The following PPP1R37 variants were observed in gnomAD, a reference collection of about 807,000 sequenced individuals.
PPP1R37 encodes the protein leucine rich repeat containing 68.
A neutral mutation model predicts 61.0 loss-of-function variants in PPP1R37; 21 were observed. The ratio of observed to expected loss-of-function variants is 0.34; its 90% CI spans 0.24 to 0.50. PPP1R37 has a LOEUF of 0.50. Among genes scored for constraint, PPP1R37 ranks in the 20% least tolerant of loss-of-function variants. PPP1R37 has a pLI of 0.98. For synonymous variants in PPP1R37, 443 were observed against 433.5 expected, an observed-to-expected ratio of 1.02 and a Z score of -0.27; for missense variants, 910 against 952.7, an observed-to-expected ratio of 0.96 and a Z score of 0.59.
Position 45,130,428 on chromosome 19 carries a change from G to A in PPP1R37, c.203-8086G>A, listed in dbSNP as rs754366. ...ACATCATCCCCAGTGCTCCCCTCCC[G>A]GTGTGCTTTGGCGCCGAGCCTGCTC... On this transcript the variant is annotated intron_variant, in intron 1 of 12. Coordinates refer to ENST00000221462, the MANE Select transcript of PPP1R37 (RefSeq NM_019121.2). This position sits in a 1 kb window ranked among gnomAD's most constrained non-coding sequence, Gnocchi z 4.4. 0.1 allele frequency among the ~76,000 whole-genome samples: 15,580 copies of A among 152,048 alleles called. 946 individuals carry two copies. Among genetic ancestry groups the A allele is most frequent in the East Asian group, 0.15 (800 of 5,162 alleles).
At position 45,093,233 on chromosome 19, in the gene PPP1R37, A is replaced by G. The variant is rs1237837677; in HGVS notation, c.-93A>G. 1.9e-6 allele frequency: 2 copies of G among 1,027,630 alleles called. No homozygotes were observed. The highest frequency in any genetic ancestry group is 2.6e-6 in the Non-Finnish European group (2 of 777,734). 63.7% of individuals were successfully genotyped at this position (1,027,630 alleles called of 1,614,324 possible). A position where few individuals can be genotyped will look rare whatever the true frequency, so the allele number is the denominator to read the frequency against. Reference sequence around the variant, plus strand: ...GAGGCGGCGCCTGAAGCGGCGGCGGAGCCCATGCCCCGGGACGGCGGGCGG... The same window carrying G: ...GAGGCGGCGCCTGAAGCGGCGGCGGGGCCCATGCCCCGGGACGGCGGGCGG... On this transcript the variant is annotated 5_prime_UTR_variant, in exon 1 of 13. Coordinates refer to ENST00000221462, the MANE Select transcript of PPP1R37 (RefSeq NM_019121.2).
chr19:45,142,550 C>A (rs1968628325), intron 7 of PPP1R37, 92 bp downstream of exon 7: 7 of 1,288,662 alleles, frequency 5.4e-6, no homozygotes, highest in Non-Finnish European at 6.4e-6. Flanking sequence ...ACAGACATGG[C>A]CAAGACCACC....
chr19:45,119,372 C>T (rs1019717596), intron 1 of PPP1R37, among the ~76,000 whole-genome samples: 5 of 152,162 alleles, frequency 3.3e-5, no homozygotes, highest in Non-Finnish European at 7.4e-5. Flanking sequence ...CGACTGGTGT[C>T]GAACTCCTGA....
intron 1 of PPP1R37, among the ~76,000 whole-genome samples, chr19:45,125,804 A>G (rs530806339): frequency 6.6e-6 from 1 of 152,314 alleles, no homozygotes; most frequent in East Asian, 1.9e-4. Flanking sequence ...TTGGGTGACC[A>G]AGGCTGGTCC....
intron 1 of PPP1R37, among the ~76,000 whole-genome samples, chr19:45,114,750 C>T (rs985922642): frequency 6.7e-6 from 1 of 148,172 alleles, no homozygotes; most frequent in Non-Finnish European, 1.5e-5. Context: ...AGTTCAAGAC[C>T]ACCCTGGGCA....
intron 1 of PPP1R37, among the ~76,000 whole-genome samples, chr19:45,132,460 T>G (rs1968490197): frequency 6.6e-6 from 1 of 151,974 alleles, no homozygotes; most frequent in Admixed American, 6.6e-5. Flanking sequence ...CATGTGCTAA[T>G]TTTTGTATTT....
chr19:45,131,693 G>C lies in PPP1R37; in HGVS notation c.203-6821G>C, dbSNP rs759436770. ...GCTGGAGCCTGGGAGTTCAAGACCA[G>C]CCTGGGCAATATAGCAAGACCTTGA... On this transcript the variant is annotated intron_variant, in intron 1 of 12. Coordinates refer to ENST00000221462, the MANE Select transcript of PPP1R37 (RefSeq NM_019121.2). 2.0e-5 allele frequency among the ~76,000 whole-genome samples: 3 copies of C among 152,234 alleles called. No individual in the cohort carries two copies. In the South Asian group the frequency reaches 6.2e-4, roughly 32 times the overall value.
Position 45,093,195 on chromosome 19 carries a change from A to G in PPP1R37, c.-131A>G, listed in dbSNP as rs3745158. 9,111 of 714,264 alleles carry G rather than the reference A, an allele frequency of 0.013. 610 individuals carry two copies. In the East Asian group the frequency reaches 0.18, roughly 14 times the overall value. The allele number at this position is 714,264 out of a possible 1,614,324, so 44.2% of individuals were successfully genotyped here. The stretch of plus-strand genomic sequence containing the variant: ...CCCGGCGGCGACGACTACGACCACT[A>G]GGAGAGCGGACGGAGGCGGCGCCTG... On this transcript the variant is annotated 5_prime_UTR_variant, in exon 1 of 13. Coordinates refer to ENST00000221462, the MANE Select transcript of PPP1R37 (RefSeq NM_019121.2).
intron 1 of PPP1R37, among the ~76,000 whole-genome samples, chr19:45,135,577 G>A (rs1171998226): frequency 1.3e-5 from 2 of 152,192 alleles, no homozygotes; most frequent in Non-Finnish European, 2.9e-5. Flanking sequence ...CAGAGCTCCT[G>A]AGCCAGGGGC....
intron 1 of PPP1R37, among the ~76,000 whole-genome samples, chr19:45,100,494 C>T (rs1395087284): frequency 6.6e-6 from 1 of 152,094 alleles, no homozygotes; most frequent in Non-Finnish European, 1.5e-5. Flanking sequence ...GTGCCGTTTG[C>T]CCCAATTTGT....
rs868327246 is a variant in PPP1R37, at chr19:45,143,947, C to T, written c.987+314C>T. The T allele has an allele frequency of 4.8e-4, 91 of 188,036 alleles. 1 individual carries two copies. The Middle Eastern group carries it at 0.015, about 31-fold the overall frequency. 11.6% of individuals were successfully genotyped at this position (188,036 alleles called of 1,614,324 possible). A position where few individuals can be genotyped will look rare whatever the true frequency, so the allele number is the denominator to read the frequency against. On this transcript the variant is annotated intron_variant, in intron 8 of 12. Coordinates refer to ENST00000221462, the MANE Select transcript of PPP1R37 (RefSeq NM_019121.2). ...CCCCGCCTCCTGGGTTCAAGCCATT[C>T]TTCTGCCTCAGCCTCCCAAGTAGCT...
Position 45,144,851 on chromosome 19 carries a change from C to T in PPP1R37, c.988-3C>T, listed in dbSNP as rs749114889. On this transcript the variant is annotated splice_polypyrimidine_tract_variant and splice_region_variant and intron_variant, in intron 8 of 12. Transcript: ENST00000221462. Reference sequence around the variant, plus strand: ...TCCTCACCCTCACACCCCCTCCCTCCAGCCGCACACTCAGAGCCTGGAGAC... The same window carrying T: ...TCCTCACCCTCACACCCCCTCCCTCTAGCCGCACACTCAGAGCCTGGAGAC... The T allele has an allele frequency of 2.6e-6, 4 of 1,528,092 alleles. No individual in the cohort carries two copies. The highest frequency in any genetic ancestry group is 4.9e-5 in the East Asian group (2 of 40,458). 94.7% of individuals were successfully genotyped at this position (1,528,092 alleles called of 1,614,324 possible).
chr19:45,124,332 C>T (rs921428316), intron 1 of PPP1R37, among the ~76,000 whole-genome samples: 2 of 152,200 alleles, frequency 1.3e-5, no homozygotes, highest in Admixed American at 6.5e-5. Context: ...CCGGGCCCTT[C>T]GGGGGACGGG....
chr19:45,095,713 T>G (rs1018545661), intron 1 of PPP1R37, among the ~76,000 whole-genome samples: 14 of 146,820 alleles, frequency 9.5e-5, no homozygotes, highest in Non-Finnish European at 1.6e-4. Flanking sequence ...CAGTGAACTG[T>G]GATTGCGCCA....
At position 45,128,800 on chromosome 19, in the gene PPP1R37, A is replaced by G; in HGVS notation, c.203-9714A>G. 9.7e-6 allele frequency: 6 copies of G among 621,062 alleles called. No homozygotes were observed. The South Asian group carries it at 1.0e-4, about 10-fold the overall frequency. 38.5% of individuals were successfully genotyped at this position (621,062 alleles called of 1,614,324 possible). ...AAAAATAACTGCCTGTCACCTTATAATGTGGGTGTCCCCAGCATCAAAAGG... is the reference window on the plus strand; with the variant it reads ...AAAAATAACTGCCTGTCACCTTATAGTGTGGGTGTCCCCAGCATCAAAAGG... On this transcript the variant is annotated intron_variant, in intron 1 of 12. Coordinates refer to ENST00000221462, the MANE Select transcript of PPP1R37 (RefSeq NM_019121.2).
At chr19:45,116,981 T>C (rs1315785729) in intron 1 of PPP1R37, among the ~76,000 whole-genome samples, 2 of 151,360 alleles carry the variant, frequency 1.3e-5, no homozygotes, top group Non-Finnish European at 2.9e-5. Flanking sequence ...TGGCACGATC[T>C]TGGCTCACTG....
intron 1 of PPP1R37, among the ~76,000 whole-genome samples, chr19:45,137,632 G>A (rs971027360): frequency 3.3e-5 from 5 of 152,156 alleles, no homozygotes; most frequent in South Asian, 2.1e-4. Flanking sequence ...CCTGAATAGC[G>A]TACGGCGATG....
chr19:45,113,559 A>C (rs941980165), intron 1 of PPP1R37, among the ~76,000 whole-genome samples: 1 of 152,242 alleles, frequency 6.6e-6, no homozygotes, highest in African/African-American at 2.4e-5. Context: ...GCCTGTCTGC[A>C]GGCACCAGGC....
Position 45,133,156 on chromosome 19 carries a change from C to T in PPP1R37, c.203-5358C>T, listed in dbSNP as rs139606659. ...GCAGTGGTGCGATCTCAGCTCACCA[C>T]AACCTCCACCTCCACCTCCCGGGTT... is the stretch of plus-strand genomic sequence containing the variant. On this transcript the variant is annotated intron_variant, in intron 1 of 12. Transcript: ENST00000221462. Among the ~76,000 whole-genome samples the T allele has an allele frequency of 2.3e-3, 350 of 152,304 alleles. 2 individuals carry two copies. Among genetic ancestry groups the T allele is most frequent in the African/African-American group, 7.5e-3 (310 of 41,574 alleles).
Sources: gnomAD v4.1 joint callset for allele counts (sites outside exome capture counted in the v4.1 genomes callset) on GRCh38, gnomAD v4.1.1 for gene constraint, Gnocchi (gnomAD v3.1) non-coding constraint, MANE v1.5 for transcripts, NCBI Gene and HGNC (gene_info 2026-07-23, HGNC 2026-07-21) for gene names.